The following ANO6 variants were observed in gnomAD, a reference collection of about 807,000 sequenced individuals.
ANO6 encodes the protein anoctamin-6.
Under a neutral mutation model 117.5 loss-of-function variants are expected in ANO6, and 106 were observed. The observed-to-expected ratio is 0.90, with a 90% confidence interval of 0.77 to 1.06. ANO6 has a LOEUF of 1.06. Among genes scored for constraint, ANO6 ranks in the 50% least tolerant of loss-of-function variants. ANO6 has a pLI of 0.00. For synonymous variants in ANO6, 367 were observed against 385.1 expected, an observed-to-expected ratio of 0.95 and a Z score of 0.55; for missense variants, 955 against 1,121.1, an observed-to-expected ratio of 0.85 and a Z score of 2.12.
At chr12:45,340,285 G>T (rs925554543) in intron 3 of ANO6, among the ~76,000 whole-genome samples, 1 of 152,102 alleles carries the variant, frequency 6.6e-6, no homozygotes, top group Non-Finnish European at 1.5e-5. Flanking sequence ...TGTGGCAGGT[G>T]CTTTTGTCCT....
At chr12:45,313,780 A>G (rs1289650405) in intron 2 of ANO6, among the ~76,000 whole-genome samples, 1 of 152,148 alleles carries the variant, frequency 6.6e-6, no homozygotes, top group African/African-American at 2.4e-5. Flanking sequence ...CCTATCAATA[A>G]ATAAATATGT....
intron 1 of ANO6, among the ~76,000 whole-genome samples, chr12:45,301,022 G>A (rs1343564136): frequency 6.6e-6 from 1 of 152,150 alleles, no homozygotes; most frequent in East Asian, 1.9e-4. Context: ...GTCCAATATG[G>A]TAGCCACTAG....
intron 1 of ANO6, among the ~76,000 whole-genome samples, chr12:45,277,501 T>C (rs574165637): frequency 6.6e-6 from 1 of 152,334 alleles, no homozygotes; most frequent in East Asian, 1.9e-4. Flanking sequence ...GGGATTCCTT[T>C]TCACCACCAT....
intron 1 of ANO6, among the ~76,000 whole-genome samples, chr12:45,252,589 T>C (rs1259532850): frequency 6.6e-6 from 1 of 152,184 alleles, no homozygotes; most frequent in African/African-American, 2.4e-5. Flanking sequence ...TGACAATCAG[T>C]GTTCTCATTA....
intron 4 of ANO6, 107 bp from the exon 5 acceptor site, chr12:45,347,921 T>G (rs1351707510): frequency 9.4e-7 from 1 of 1,061,414 alleles, no homozygotes; most frequent in Non-Finnish European, 1.4e-6. Context: ...AGTGGTGGTC[T>G]CTGTATTGTT....
intron 1 of ANO6, chr12:45,270,435 A>G (rs1397913032): frequency 6.6e-6 from 10 of 1,522,300 alleles, no homozygotes; most frequent in Non-Finnish European, 8.8e-6. Context: ...GGCCTGTTGT[A>G]TTTATTGATG....
At chr12:45,269,403 C>T (rs1296029635) in intron 1 of ANO6, among the ~76,000 whole-genome samples, 2 of 152,182 alleles carry the variant, frequency 1.3e-5, no homozygotes, top group South Asian at 2.1e-4. Flanking sequence ...GTGTGAAGGC[C>T]CAGAGGTAGC....
intron 1 of ANO6, chr12:45,270,515 TC>T: frequency 8.2e-7 from 1 of 1,225,620 alleles, no homozygotes; most frequent in Non-Finnish European, 1.1e-6. Flanking sequence ...TCACCTCCCA[TC>T]CAGCCTGGGT....
intron 7 of ANO6, among the ~76,000 whole-genome samples, chr12:45,354,357 T>C (rs936361805): frequency 6.6e-6 from 1 of 152,132 alleles, no homozygotes; most frequent in African/African-American, 2.4e-5. Context: ...TGACCATATA[T>C]ATGTAACTCT....
At chr12:45,346,887 C>A in intron 3 of ANO6, 135 bp from the exon 4 acceptor site, 1 of 765,734 alleles carries the variant, frequency 1.3e-6, no homozygotes, top group Non-Finnish European at 2.2e-6. Flanking sequence ...ATTCCATTTG[C>A]TTGACCAAAT....
Position 45,407,486 on chromosome 12 carries a change from C to G in ANO6, c.1881-1871C>G, listed in dbSNP as rs1233495633. Among the ~76,000 whole-genome samples, 10 of 30,026 alleles carry G rather than the reference C, an allele frequency of 3.3e-4. 1 individual carries two copies. In the South Asian group the frequency reaches 0.023, roughly 69 times the overall value. The allele number at this position is 30,026 out of a possible 152,430, so 19.7% of individuals were successfully genotyped here. On this transcript the variant is annotated intron_variant, in intron 15 of 19. Coordinates refer to ENST00000320560, the MANE Select transcript of ANO6 (RefSeq NM_001025356.3). ...GTCCTTGGTGCTACCTGAGTCACCC[C>G]CCCCCCCCCCCCCGGAATGACTGCA...
chr12:45,407,020 A>G (rs961291634), intron 15 of ANO6, among the ~76,000 whole-genome samples: 1 of 152,204 alleles, frequency 6.6e-6, no homozygotes, highest in Non-Finnish European at 1.5e-5. Context: ...TTGGCCAGGG[A>G]AAACGTATCT....
intron 10 of ANO6, among the ~76,000 whole-genome samples, chr12:45,380,808 A>G (rs1942149555): frequency 6.6e-6 from 1 of 152,136 alleles, no homozygotes; most frequent in Non-Finnish European, 1.5e-5. Context: ...CCTCGCCTCT[A>G]CTAAAATACA....
intron 1 of ANO6, among the ~76,000 whole-genome samples, chr12:45,258,560 G>A (rs555312177): frequency 6.6e-6 from 1 of 151,918 alleles, no homozygotes; most frequent in African/African-American, 2.4e-5. Context: ...CCTCTTACAT[G>A]TGCCTTCTGC....
rs1223524758 is a variant in ANO6, at chr12:45,409,452, G to A, written c.1976G>A (p.Gly659Asp). 4 of 1,613,792 alleles carry A rather than the reference G, an allele frequency of 2.5e-6. No individual in the cohort carries two copies. The highest frequency in any genetic ancestry group is 1.7e-5 in the Admixed American group (1 of 60,004). Residue 659 changes from glycine to aspartate, a missense_variant, in exon 16 of 20, where the codon GGC (glycine) becomes GAC (aspartate). Coordinates refer to ENST00000320560, the MANE Select transcript of ANO6 (RefSeq NM_001025356.3). ...WEQDYHLQPM[G>D]KLGLFYEYLE... Reference sequence around the variant, plus strand: ...CAGGACTACCATCTGCAGCCTATGGGCAAACTGGGATTATTTTATGAATAT... The same window carrying A: ...CAGGACTACCATCTGCAGCCTATGGACAAACTGGGATTATTTTATGAATAT...
intron 1 of ANO6, among the ~76,000 whole-genome samples, chr12:45,277,271 C>G (rs1008527567): frequency 2.0e-5 from 3 of 152,144 alleles, no homozygotes; most frequent in Admixed American, 2.0e-4. Context: ...AGTTTGATTA[C>G]TTTTCCTCTG....
chr12:45,352,141 T>C (rs1328328232), intron 7 of ANO6, among the ~76,000 whole-genome samples: 3 of 152,146 alleles, frequency 2.0e-5, no homozygotes, highest in Non-Finnish European at 4.4e-5. Flanking sequence ...TTGAGAAAAC[T>C]ACTAGACCTT....
At chr12:45,420,998 A>C (rs1048070081) in intron 17 of ANO6, 73 bp from the exon 18 acceptor site, 1 of 1,504,576 alleles carries the variant, frequency 6.6e-7, no homozygotes, top group Non-Finnish European at 9.2e-7. Context: ...CAGCCTGGGC[A>C]GCAAGAGCGA....
chr12:45,395,269 C>A (rs1942578484), intron 12 of ANO6, among the ~76,000 whole-genome samples: 1 of 152,176 alleles, frequency 6.6e-6, no homozygotes, highest in South Asian at 2.1e-4. Flanking sequence ...TGGACACATA[C>A]ACCCTCCCAA....
Sources: gnomAD v4.1 joint callset for allele counts (sites outside exome capture counted in the v4.1 genomes callset) on GRCh38, gnomAD v4.1.1 for gene constraint, MANE v1.5 for transcripts, NCBI Gene and HGNC (gene_info 2026-07-23, HGNC 2026-07-21) for gene names.